The following CYBA variants were observed in gnomAD, a reference collection of about 807,000 sequenced individuals.
The protein encoded by CYBA is cytochrome b-245 light chain.
In CYBA, 21 loss-of-function variants were observed where a neutral mutation model predicts 20.8. The ratio of observed to expected loss-of-function variants is 1.01; its 90% CI spans 0.72 to 1.46. The LOEUF (loss-of-function observed/expected upper bound fraction) is 1.46, where lower values mean the gene tolerates loss of function less well. Among genes scored for constraint, CYBA ranks in the 40% most tolerant of loss-of-function variants. The pLI is 0.00. For synonymous variants in CYBA, 164 were observed against 127.5 expected, an observed-to-expected ratio of 1.29 and a Z score of -1.93; for missense variants, 344 against 287.0, an observed-to-expected ratio of 1.20 and a Z score of -1.43.
Position 88,644,627 on chromosome 16 carries a change from C to T in CYBA, c.370-1056G>A, listed in dbSNP as rs1907210554. ...ATCACAAGGTCAAGGAGATCCAGAC[C>T]ATCCTGGCTAACGCGGTGAAACCCC... On this transcript the variant is annotated intron_variant, in intron 5 of 5. Coordinates refer to ENST00000261623, the MANE Select transcript of CYBA (RefSeq NM_000101.4). 4 of 162,702 alleles carry T rather than the reference C, an allele frequency of 2.5e-5. No homozygotes were observed. The South Asian group carries it at 6.4e-4, about 26-fold the overall frequency. 10.1% of individuals were successfully genotyped at this position (162,702 alleles called of 1,614,324 possible). A position where few individuals can be genotyped will look rare whatever the true frequency, so the allele number is the denominator to read the frequency against.
rs1185565022 is a variant in CYBA, at chr16:88,647,017, G to A, written c.203+84C>T. On this transcript the variant is annotated intron_variant, in intron 3 of 5. Transcript: ENST00000261623. ...AGGGTTGGTTCCGGAGCCTCCAAGT[G>A]AGAAACCAAGCTCCACCCAACCCTG... is the stretch of plus-strand genomic sequence containing the variant. The A allele has an allele frequency of 2.2e-6, 3 of 1,370,956 alleles. No homozygotes were observed. The African/African-American group carries it at 4.3e-5, about 20-fold the overall frequency. The allele number at this position is 1,370,956 out of a possible 1,614,324, so 84.9% of individuals were successfully genotyped here. A position where few individuals can be genotyped will look rare whatever the true frequency, so the allele number is the denominator to read the frequency against.
At position 88,650,961 on chromosome 16, in the gene CYBA, C is replaced by T; in HGVS notation, c.53G>A (p.Gly18Asp). Residue 18 changes from glycine (G) to aspartate (D), a missense_variant, in exon 1 of 6, where the codon GGC becomes GAC. Coordinates refer to ENST00000261623, the MANE Select transcript of CYBA (RefSeq NM_000101.4). ...MWANEQALAS[G>D]LILITGGIVA... ...CGTCCCTGACGTGCACTCACTCAGG[C>T]CGGACGCCAGCGCCTGTTCGTTGGC... 6.3e-7 allele frequency: 1 copy of T among 1,592,620 alleles called. No homozygotes were observed. The highest frequency in any genetic ancestry group is 1.1e-5 in the South Asian group (1 of 88,124).
At chr16:88,646,696 GGGGA>G (rs1443507755) in intron 4 of CYBA, 55 bp downstream of exon 4, 2 of 1,467,974 alleles carry the variant, frequency 1.4e-6, no homozygotes, top group Non-Finnish European at 1.9e-6. Flanking sequence ...GTGGGACAGT[GGGGA>G]GGGTCGGCTC....
chr16:88,648,154 C>T, intron 1 of CYBA, 40 bp from the exon 2 acceptor site: 1 of 1,575,996 alleles, frequency 6.3e-7, no homozygotes, highest in Non-Finnish European at 8.6e-7. Flanking sequence ...GGGCTCCCGT[C>T]CCGGGGGCCT....
intron 2 of CYBA, chr16:88,647,704 G>A (rs2142876816): frequency 4.6e-6 from 2 of 437,910 alleles, no homozygotes; most frequent in South Asian, 4.3e-5. Flanking sequence ...ATGGGGCAGA[G>A]GAGGTAGAGG....
At chr16:88,646,085 G>A (rs1907266255) in intron 5 of CYBA, 31 bp downstream of exon 5, 3 of 1,531,350 alleles carry the variant, frequency 2.0e-6, no homozygotes, top group Non-Finnish European at 2.6e-6. Context: ...GATGGGGGTG[G>A]CCGGGGCCGA....
chr16:88,645,646 G>A (rs992964156), intron 5 of CYBA: 61 of 590,240 alleles, frequency 1.0e-4, no homozygotes, highest in Non-Finnish European at 1.6e-4. Context: ...CTTCTAACAG[G>A]GTGCAGCAGT....
chr16:88,648,608 T>C (rs1050035738), intron 1 of CYBA, among the ~76,000 whole-genome samples: 2 of 151,906 alleles, frequency 1.3e-5, no homozygotes, highest in Admixed American at 1.3e-4. Context: ...TTGTCCAATA[T>C]TCCCCCTTAC....
chr16:88,645,268 GGA>G (rs1907236354), intron 5 of CYBA: 2 of 702,348 alleles, frequency 2.8e-6, no homozygotes, highest in Non-Finnish European at 5.2e-6. Context: ...GGGTTCTAAA[GGA>G]GAGTTCTGCC....
chr16:88,644,871 A>G (rs182425786), intron 5 of CYBA: 3 of 456,770 alleles, frequency 6.6e-6, no homozygotes, highest in African/African-American at 5.8e-5. Flanking sequence ...CAATAGAAAA[A>G]TGGGCAAAGG....
chr16:88,650,354 G>A (rs936342857), intron 1 of CYBA: 4 of 456,526 alleles, frequency 8.8e-6, no homozygotes, highest in African/African-American at 2.0e-5. Flanking sequence ...GCACAGGAGG[G>A]TGACTGGGGG....
rs1417703902 is a variant in CYBA at position 88,646,098 on chromosome 16, T to C, written c.369+18A>G. On this transcript the variant is annotated intron_variant, in intron 5 of 5. Transcript: ENST00000261623. ...GGGATGGGGGTGGCCGGGGCCGACC[T>C]CAGAGGGCGCCACTCACCAGTAGGT... 6.5e-7 allele frequency: 1 copy of C among 1,545,670 alleles called. No individual in the cohort carries two copies. The highest frequency in any genetic ancestry group is 8.7e-7 in the Non-Finnish European group (1 of 1,146,158).
intron 2 of CYBA, 24 bp downstream of exon 2, chr16:88,648,020 AC>A (rs751896984): frequency 1.2e-6 from 2 of 1,606,778 alleles, no homozygotes; most frequent in Non-Finnish European, 1.7e-6. Context: ...TTCCCCGCCC[AC>A]CCCAGCCTCA....
chr16:88,646,039 C>T (rs1244906635), intron 5 of CYBA, 77 bp downstream of exon 5: 2 of 1,237,070 alleles, frequency 1.6e-6, no homozygotes, highest in Admixed American at 4.0e-5. Flanking sequence ...GCTTCAAGGG[C>T]CATGCGTGTC....
rs1597372473 is a variant in CYBA at position 88,647,124 on chromosome 16, C to T, written c.180G>A (p.Lys60=). The T allele has an allele frequency of 6.2e-7, 1 of 1,611,522 alleles. No individual in the cohort carries two copies. The highest frequency in any genetic ancestry group is 8.5e-7 in the Non-Finnish European group (1 of 1,179,810). The stretch of plus-strand genomic sequence containing the variant: ...ACCAGCGCTCCATGGTGGAGCCCTT[C>T]TTCCTCTTCCCCCGGGGGTACTCCA... The part of the protein sequence containing the change: ...CLLEYPRGKR[K]KGSTMERWGQ... Residue 60 remains lysine, a synonymous_variant, in exon 3 of 6, where the codon AAG becomes AAA. Transcript: ENST00000261623.
At chr16:88,648,147 C>T in intron 1 of CYBA, 33 bp from the exon 2 acceptor site, 3 of 1,594,218 alleles carry the variant, frequency 1.9e-6, no homozygotes, top group South Asian at 1.1e-5. Flanking sequence ...CACTGTGGGG[C>T]TCCCGTCCCG....
Position 88,648,065 on chromosome 16 carries a change from C to T in CYBA, c.108G>A (p.Trp36Ter), listed in dbSNP as rs983116270. Residue 36 changes from tryptophan to a stop codon, truncating the protein, a stop_gained, in exon 2 of 6, where the codon TGG (tryptophan) becomes TGA (stop). Transcript: ENST00000261623. LOFTEE classifies it high-confidence loss of function. ...IVATAGRFTQWYFGAYSIVAG... is the reference protein window; with the variant it reads ...IVATAGRFTQ ...GATACATGGAGTAGGCACCAAAGTACCACTGGGTGAAGCGCCCAGCTGTGG... is the reference window on the plus strand; with the variant it reads ...GATACATGGAGTAGGCACCAAAGTATCACTGGGTGAAGCGCCCAGCTGTGG... 1 of 1,612,918 alleles carries T rather than the reference C, an allele frequency of 6.2e-7. No individual in the cohort carries two copies. Among genetic ancestry groups the T allele is most frequent in the Admixed American group, 1.7e-5 (1 of 59,938 alleles).
At position 88,651,017 on chromosome 16, in the gene CYBA, G is replaced by A. The variant is rs1292407630; in HGVS notation, c.-4C>T. 2 of 1,593,864 alleles carry A rather than the reference G, an allele frequency of 1.3e-6. No individual in the cohort carries two copies. The highest frequency in any genetic ancestry group is 1.7e-5 in the Admixed American group (1 of 58,210). Reference sequence around the variant, plus strand: ...TGGCCCACTCGATCTGCCCCATGGCGACACGAACCCGGCTGGGACACTGCT... The same window carrying A: ...TGGCCCACTCGATCTGCCCCATGGCAACACGAACCCGGCTGGGACACTGCT... On this transcript the variant is annotated 5_prime_UTR_variant, in exon 1 of 6. Coordinates refer to ENST00000261623, the MANE Select transcript of CYBA (RefSeq NM_000101.4).
intron 3 of CYBA, 30 bp downstream of exon 3, chr16:88,647,071 G>A (rs370268737): frequency 4.6e-5 from 73 of 1,596,968 alleles, no homozygotes; most frequent in Middle Eastern, 3.3e-4. Flanking sequence ...CGCAGCCCCC[G>A]GAGAGACCCC....
Sources: gnomAD v4.1 joint callset for allele counts (sites outside exome capture counted in the v4.1 genomes callset) on GRCh38, gnomAD v4.1.1 for gene constraint, MANE v1.5 for transcripts, NCBI Gene and HGNC (gene_info 2026-07-23, HGNC 2026-07-21) for gene names.